Variants in UGGT1 observed in about 807,000 individuals in gnomAD.
The protein encoded by UGGT1 is UDP-glucose glycoprotein glucosyltransferase 1.
A neutral mutation model predicts 203.9 loss-of-function variants in UGGT1; 107 were observed. That is an observed-to-expected ratio of 0.52 (90% CI 0.45 to 0.62). UGGT1 has a LOEUF of 0.62. Among genes scored for constraint, UGGT1 ranks in the 20% least tolerant of loss-of-function variants. The pLI, the probability that UGGT1 is intolerant of heterozygous loss-of-function variation, is 0.00. For missense variants in UGGT1, 1,673 were observed against 1,867.2 expected (o/e 0.90, Z 1.92); for synonymous variants, 628 against 653.5 (o/e 0.96, Z 0.59).
At chr2:128,178,594 A>G (rs1229666477) in intron 34 of UGGT1, 25 bp downstream of exon 34, 43 of 1,558,896 alleles carry the variant, frequency 2.8e-5, no homozygotes, top group African/African-American at 6.0e-5. Context: ...TTATTTCATT[A>G]TATATGATGA....
At chr2:128,093,884 A>T (rs1686985261) in intron 1 of UGGT1, among the ~76,000 whole-genome samples, 1 of 152,198 alleles carries the variant, frequency 6.6e-6, no homozygotes. Context: ...GCACTTTGGT[A>T]AACGAAGTAG....
At chr2:128,108,606 T>A (rs56197593) in intron 4 of UGGT1, among the ~76,000 whole-genome samples, 210 of 152,334 alleles carry the variant, frequency 1.4e-3, no homozygotes, top group African/African-American at 4.6e-3. Flanking sequence ...AACTTGATAT[T>A]TGATATAAAA....
At chr2:128,156,037 G>A (rs1446026582) in intron 20 of UGGT1, among the ~76,000 whole-genome samples, 1 of 152,198 alleles carries the variant, frequency 6.6e-6, no homozygotes, top group Non-Finnish European at 1.5e-5. Flanking sequence ...TGTGTAAAAT[G>A]ACGCCCTGTA....
chr2:128,114,998 A>G (rs1573515800), intron 6 of UGGT1, 126 bp from the exon 7 acceptor site: 1 of 801,500 alleles, frequency 1.2e-6, no homozygotes, highest in Non-Finnish European at 1.9e-6. Context: ...AAAACAATTT[A>G]AAGATATTTT....
intron 1 of UGGT1, among the ~76,000 whole-genome samples, chr2:128,096,613 G>A (rs1687128095): frequency 6.6e-6 from 1 of 152,060 alleles, no homozygotes; most frequent in Admixed American, 6.6e-5. Context: ...TCAGTCATTG[G>A]GTTAGTGCCC....
At chr2:128,115,890 G>A (rs1184919204) in intron 7 of UGGT1, among the ~76,000 whole-genome samples, 1 of 152,022 alleles carries the variant, frequency 6.6e-6, no homozygotes, top group African/African-American at 2.4e-5. Flanking sequence ...GGATTAAGTT[G>A]ACTAATTATA....
chr2:128,138,897 T>G (rs1237997751), intron 16 of UGGT1, 45 bp downstream of exon 16: 2 of 1,609,444 alleles, frequency 1.2e-6, no homozygotes, highest in Non-Finnish European at 1.7e-6. Flanking sequence ...CAGATCTAAC[T>G]TACTCTTAAT....
At chr2:128,182,093 C>T (rs367866444) in intron 36 of UGGT1, 37 bp from the exon 37 acceptor site, 560 of 1,602,972 alleles carry the variant, frequency 3.5e-4, no homozygotes, top group Admixed American at 6.1e-4. Flanking sequence ...GAGCTGTCTG[C>T]ATGGTTGCTT....
intron 7 of UGGT1, 43 bp downstream of exon 7, chr2:128,115,263 G>C: frequency 2.0e-6 from 3 of 1,524,892 alleles, no homozygotes; most frequent in Non-Finnish European, 2.7e-6. Context: ...CTTCAAATAT[G>C]AGTTAAAGGG....
At chr2:128,103,123 T>G in intron 2 of UGGT1, 2 of 471,020 alleles carry the variant, frequency 4.2e-6, no homozygotes, top group Non-Finnish European at 8.8e-6. Flanking sequence ...TCACAAGTAA[T>G]GGGAAAGTCT....
chr2:128,148,084 CAG>C (rs2105472557), intron 18 of UGGT1, among the ~76,000 whole-genome samples: 1 of 152,080 alleles, frequency 6.6e-6, no homozygotes, highest in Non-Finnish European at 1.5e-5. Flanking sequence ...TTTTTTGAGA[CAG>C]AGTTTCGCTC....
At chr2:128,111,656 C>T (rs1037249829) in intron 5 of UGGT1, among the ~76,000 whole-genome samples, 3 of 151,924 alleles carry the variant, frequency 2.0e-5, no homozygotes, top group South Asian at 2.1e-4. Context: ...CCACCATGCC[C>T]GGCTAGTTTT....
At chr2:128,153,685 T>A in intron 19 of UGGT1, among the ~76,000 whole-genome samples, 1 of 152,254 alleles carries the variant, frequency 6.6e-6, no homozygotes, top group East Asian at 1.9e-4. Flanking sequence ...ATTTCATTCC[T>A]TTTTATAGTC....
At position 128,129,064 on chromosome 2, in the gene UGGT1, T is replaced by C; in HGVS notation, c.1262T>C (p.Met421Thr). ...FDVLRNEARV[M>T]EGLHRLGIEG... ...GTGTTGAGGAATGAAGCTCGGGTAA[T>C]GGAGGGTCTGCATAGATTGGGAATA... Residue 421 changes from methionine (M) to threonine (T), a missense_variant, in exon 13 of 41, where the codon ATG becomes ACG. By Grantham distance (81) the Met-to-Thr change is moderately conservative (BLOSUM62 -1). Around this residue, in one of 4 missense-constraint regions of UGGT1, gnomAD observed 1,073 missense variants for 1,078.7 expected, o/e 0.99. Coordinates refer to ENST00000259253, the MANE Select transcript of UGGT1 (RefSeq NM_020120.4). 1 of 1,612,894 alleles carries C rather than the reference T, an allele frequency of 6.2e-7. No individual in the cohort carries two copies. The highest frequency in any genetic ancestry group is 8.5e-7 in the Non-Finnish European group (1 of 1,179,674).
chr2:128,189,128 G>A (rs1307674057), intron 40 of UGGT1, among the ~76,000 whole-genome samples: 2 of 152,184 alleles, frequency 1.3e-5, no homozygotes, highest in African/African-American at 4.8e-5. Context: ...TTTGGGAGGC[G>A]GTGATGAAAC....
At position 128,092,161 on chromosome 2, in the gene UGGT1, C is replaced by T. The variant is rs960414546; in HGVS notation, c.58+746C>T. On this transcript the variant is annotated intron_variant, in intron 1 of 40. Coordinates refer to ENST00000259253, the MANE Select transcript of UGGT1 (RefSeq NM_020120.4). ...CTTTCCTTCAAGAATCTTACACTTG[C>T]AGGCGTTTGAAGACATTTTAAATAG... Among the ~76,000 whole-genome samples, 8 of 151,910 alleles carry T rather than the reference C, an allele frequency of 5.3e-5. No homozygotes were observed. The South Asian group carries it at 8.3e-4, about 16-fold the overall frequency.
chr2:128,143,577 A>C lies in UGGT1; in HGVS notation c.1851+352A>C, dbSNP rs145709698. 3.7e-3 allele frequency among the ~76,000 whole-genome samples: 567 copies of C among 152,330 alleles called. 1 individual carries two copies. Among genetic ancestry groups the C allele is most frequent in the African/African-American group, 0.013 (545 of 41,580 alleles). On this transcript the variant is annotated intron_variant, in intron 17 of 40. Coordinates refer to ENST00000259253, the MANE Select transcript of UGGT1 (RefSeq NM_020120.4). ...GTAGAGTGGACAAACTGGGGAAAGG[A>C]GTATTTTTATATCTTTACATGTGTC...
chr2:128,097,339 C>T, intron 1 of UGGT1, 90 bp from the exon 2 acceptor site: 3 of 1,446,260 alleles, frequency 2.1e-6, no homozygotes, highest in African/African-American at 2.9e-5. Flanking sequence ...TGCACCACTG[C>T]ACTCCAGCCT....
At chr2:128,108,423 C>T (rs373356916) in intron 4 of UGGT1, among the ~76,000 whole-genome samples, 2 of 152,202 alleles carry the variant, frequency 1.3e-5, no homozygotes, top group South Asian at 4.1e-4. Context: ...TTAGCATCAC[C>T]ACAGGGATGC....
Sources: allele counts gnomAD v4.1 joint callset (sites outside exome capture counted in the v4.1 genomes callset), GRCh38; gene constraint gnomAD v4.1.1; regional missense constraint gnomAD v4.1.1; transcripts MANE v1.5; gene names NCBI Gene and HGNC (gene_info 2026-07-23, HGNC 2026-07-21).